Variants in MBNL1 observed in about 807,000 individuals in gnomAD.
MBNL1 encodes muscleblind like splicing regulator 1, also known as muscleblind-like protein 1.
MBNL1 carries 8 observed loss-of-function variants against 42.2 expected under a neutral mutation model. The observed-to-expected ratio is 0.19, with a 90% CI of 0.11 to 0.34. The LOEUF (loss-of-function observed/expected upper bound fraction) is 0.34, where lower values mean the gene tolerates loss of function less well. Among genes scored for constraint, MBNL1 ranks in the 10% least tolerant of loss-of-function variants. MBNL1 has a pLI of 1.00. For synonymous variants in MBNL1, 169 were observed against 173.9 expected (o/e 0.97, Z 0.22); for missense variants, 309 against 495.3 (o/e 0.62, Z 3.57).
At chr3:152,376,772 C>G (rs959880343) in intron 2 of MBNL1, among the ~76,000 whole-genome samples, 1 of 151,054 alleles carries the variant, frequency 6.6e-6, no homozygotes, top group African/African-American at 2.4e-5. Flanking sequence ...CGCACTCTCT[C>G]TATATATATA....
chr3:152,388,454 T>C (rs1050403413), intron 2 of MBNL1, among the ~76,000 whole-genome samples: 2 of 152,256 alleles, frequency 1.3e-5, no homozygotes, highest in Non-Finnish European at 2.9e-5. Context: ...TTTCAGCTTT[T>C]ATTAACCCTA....
At chr3:152,357,382 A>G (rs1170232957) in intron 2 of MBNL1, among the ~76,000 whole-genome samples, 1 of 152,180 alleles carries the variant, frequency 6.6e-6, no homozygotes, top group African/African-American at 2.4e-5. Flanking sequence ...ATCTGCCATG[A>G]TTACTTCAAA....
At chr3:152,246,025 A>C (rs1441282355) in intron 2 of MBNL1, among the ~76,000 whole-genome samples, 1 of 152,166 alleles carries the variant, frequency 6.6e-6, no homozygotes, top group Admixed American at 6.5e-5. Context: ...TCAAGGCTGC[A>C]GTGAGCTGTG....
chr3:152,304,321 A>C (rs564311224), intron 2 of MBNL1, among the ~76,000 whole-genome samples: 3 of 152,162 alleles, frequency 2.0e-5, no homozygotes, highest in Non-Finnish European at 4.4e-5. Context: ...GTTTATCCTC[A>C]ATCCAGAAAT....
chr3:152,363,988 ATAAC>A (rs1188824560), intron 2 of MBNL1, among the ~76,000 whole-genome samples: 2 of 152,154 alleles, frequency 1.3e-5, no homozygotes, highest in Non-Finnish European at 2.9e-5. Context: ...CATACAGCTG[ATAAC>A]CTGTGTTGAT....
At chr3:152,342,805 C>T (rs2093580160) in intron 2 of MBNL1, among the ~76,000 whole-genome samples, 1 of 151,984 alleles carries the variant, frequency 6.6e-6, no homozygotes, top group Non-Finnish European at 1.5e-5. Flanking sequence ...GGTTCGTTAA[C>T]TACACATATT....
intron 2 of MBNL1, chr3:152,340,315 GAA>G (rs1254683722): frequency 5.3e-6 from 3 of 570,754 alleles, no homozygotes; most frequent in Non-Finnish European, 8.8e-6. Context: ...GTCTCAAAAA[GAA>G]AAAGGGGAGA....
At chr3:152,373,243 G>A (rs776316042) in intron 2 of MBNL1, among the ~76,000 whole-genome samples, 6 of 151,790 alleles carry the variant, frequency 4.0e-5, no homozygotes, top group Non-Finnish European at 5.9e-5. Flanking sequence ...GCTCTGTGGC[G>A]GTGGGATCCA....
At chr3:152,382,961 T>G (rs1007648533) in intron 2 of MBNL1, among the ~76,000 whole-genome samples, 2 of 152,080 alleles carry the variant, frequency 1.3e-5, no homozygotes, top group African/African-American at 4.8e-5. Context: ...GTAGTGAGAT[T>G]TTTCTTCCAG....
intron 3 of MBNL1, among the ~76,000 whole-genome samples, chr3:152,425,961 T>C (rs2098923821): frequency 6.6e-6 from 1 of 152,150 alleles, no homozygotes; most frequent in South Asian, 2.1e-4. Flanking sequence ...TGTCCATCAA[T>C]GATAGACTGG....
chr3:152,453,065 TAAAG>T (rs1184217490), intron 6 of MBNL1, among the ~76,000 whole-genome samples: 4 of 151,744 alleles, frequency 2.6e-5, no homozygotes, highest in South Asian at 2.1e-4. Context: ...TTAATAAAAA[TAAAG>T]AAGGTACTGC....
intron 2 of MBNL1, among the ~76,000 whole-genome samples, chr3:152,411,021 A>G (rs2098551944): frequency 6.6e-6 from 1 of 152,242 alleles, no homozygotes; most frequent in Non-Finnish European, 1.5e-5. Context: ...GCCATTTGTG[A>G]GGATGGCCTG....
At chr3:152,363,729 C>CT (rs1173666246) in intron 2 of MBNL1, among the ~76,000 whole-genome samples, 2 of 152,104 alleles carry the variant, frequency 1.3e-5, no homozygotes. Flanking sequence ...GAGAGGGAAA[C>CT]TAAGAATTAA....
intron 2 of MBNL1, among the ~76,000 whole-genome samples, chr3:152,390,613 G>GCGCACACACA (rs34259730): frequency 6.8e-6 from 1 of 147,252 alleles, no homozygotes; most frequent in Middle Eastern, 3.5e-3. Flanking sequence ...GTATTGTTAT[G>GCGCACACACA]CACACACACA....
chr3:152,327,799 A>G (rs2081372249), intron 2 of MBNL1, among the ~76,000 whole-genome samples: 1 of 151,784 alleles, frequency 6.6e-6, no homozygotes, highest in South Asian at 2.1e-4. Context: ...ATGCTACTAT[A>G]TAGTCATATA....
chr3:152,368,389 T>C (rs1362756446), intron 2 of MBNL1, among the ~76,000 whole-genome samples: 3 of 152,190 alleles, frequency 2.0e-5, no homozygotes, highest in Non-Finnish European at 4.4e-5. Flanking sequence ...TTGCTAGCAG[T>C]ACCATGCTGT....
At chr3:152,377,008 G>T (rs1200344069) in intron 2 of MBNL1, among the ~76,000 whole-genome samples, 1 of 152,096 alleles carries the variant, frequency 6.6e-6, no homozygotes, top group Non-Finnish European at 1.5e-5. Flanking sequence ...TGTGGCTAGT[G>T]ATTTACATGC....
intron 2 of MBNL1, among the ~76,000 whole-genome samples, chr3:152,330,560 G>A (rs981223759): frequency 6.6e-6 from 1 of 152,048 alleles, no homozygotes; most frequent in Non-Finnish European, 1.5e-5. Context: ...TTGCTATAAC[G>A]ACATGGAATA....
At chr3:152,391,460 A>C (rs932080542) in intron 2 of MBNL1, among the ~76,000 whole-genome samples, 1 of 152,166 alleles carries the variant, frequency 6.6e-6, no homozygotes, top group African/African-American at 2.4e-5. Flanking sequence ...CCAGTTCTTC[A>C]TACCTATAAA....
Sources: gnomAD v4.1 joint callset for allele counts (sites outside exome capture counted in the v4.1 genomes callset) on GRCh38, gnomAD v4.1.1 for gene constraint, MANE v1.5 for transcripts, NCBI Gene and HGNC (gene_info 2026-07-23, HGNC 2026-07-21) for gene names.